The following CTNNA2 variants were observed in gnomAD, a reference collection of about 807,000 sequenced individuals.
The protein encoded by CTNNA2 is catenin alpha 2, also known as catenin alpha-2.
In CTNNA2, 42 loss-of-function variants were observed where a neutral mutation model predicts 101.0. The ratio of observed to expected loss-of-function variants is 0.42; its 90% confidence interval spans 0.32 to 0.54. CTNNA2 has a LOEUF of 0.54. CTNNA2 is among the 20% of genes least tolerant of loss of function. The probability of loss-of-function intolerance (pLI) is 0.14; values close to 1 mark genes in which losing one functional copy is unlikely to be tolerated. For missense variants in CTNNA2, 871 were observed against 1,223.1 expected (o/e 0.71, Z 4.29); for synonymous variants, 450 against 456.4 (o/e 0.99, Z 0.18).
chr2:79,336,900 A>C (rs186565966), intron 3 of CTNNA2, among the ~76,000 whole-genome samples: 7 of 152,250 alleles, frequency 4.6e-5, no homozygotes, highest in Non-Finnish European at 1.5e-5. Context: ...GGCAGTAGTG[A>C]TATCCATGGT....
intron 1 of CTNNA2, among the ~76,000 whole-genome samples, chr2:79,601,273 A>G (rs781252332): frequency 2.0e-5 from 3 of 152,196 alleles, no homozygotes; most frequent in Admixed American, 1.3e-4. Context: ...CCTGCATGTC[A>G]CTTACTAAGC....
chr2:79,879,926 G>C (rs898967077), intron 6 of CTNNA2, among the ~76,000 whole-genome samples: 8 of 152,098 alleles, frequency 5.3e-5, no homozygotes, highest in African/African-American at 1.9e-4. Flanking sequence ...TCTTGCTTTT[G>C]CCCATTCAAT....
intron 3 of CTNNA2, among the ~76,000 whole-genome samples, chr2:79,358,282 C>T (rs975561724): frequency 2.0e-5 from 3 of 151,956 alleles, no homozygotes; most frequent in Non-Finnish European, 4.4e-5. Flanking sequence ...TCACTGCCAC[C>T]TCTTTCTCCT....
chr2:79,580,702 A>G (rs1352125056), intron 1 of CTNNA2, among the ~76,000 whole-genome samples: 1 of 152,170 alleles, frequency 6.6e-6, no homozygotes, highest in African/African-American at 2.4e-5. Flanking sequence ...AAATATAAGG[A>G]AATGTATGAA....
intron 18 of CTNNA2, among the ~76,000 whole-genome samples, chr2:80,620,434 C>A (rs1308584010): frequency 6.6e-6 from 1 of 151,848 alleles, no homozygotes; most frequent in Non-Finnish European, 1.5e-5. Flanking sequence ...ACAGCTGATA[C>A]TGCCCTCTTT....
At chr2:79,825,237 T>A (rs1367962193) in intron 3 of CTNNA2, among the ~76,000 whole-genome samples, 1 of 152,084 alleles carries the variant, frequency 6.6e-6, no homozygotes, top group Non-Finnish European at 1.5e-5. Context: ...AAAGATAGAA[T>A]GGAACATAGT....
intron 7 of CTNNA2, among the ~76,000 whole-genome samples, chr2:79,919,036 T>A (rs1259906280): frequency 6.6e-6 from 1 of 152,194 alleles, no homozygotes; most frequent in Non-Finnish European, 1.5e-5. Flanking sequence ...GTTGTGGTGC[T>A]AGAGGGATAT....
At chr2:79,756,027 A>G (rs1389122103) in intron 3 of CTNNA2, among the ~76,000 whole-genome samples, 1 of 151,114 alleles carries the variant, frequency 6.6e-6, no homozygotes, top group Non-Finnish European at 1.5e-5. Flanking sequence ...TAAATAAAAT[A>G]TATTTGTATG....
intron 2 of CTNNA2, among the ~76,000 whole-genome samples, chr2:79,229,958 G>T (rs549258290): frequency 7.9e-5 from 12 of 152,264 alleles, no homozygotes; most frequent in Admixed American, 2.6e-4. Context: ...AGGGTATTTG[G>T]CAGAAGAAAT....
intron 7 of CTNNA2, among the ~76,000 whole-genome samples, chr2:80,271,007 C>T (rs1673421563): frequency 6.6e-6 from 1 of 152,076 alleles, no homozygotes; most frequent in African/African-American, 2.4e-5. Context: ...AAGGTCCCCA[C>T]CCCCAAGAAG....
chr2:79,659,879 G>A (rs1402767612), intron 2 of CTNNA2, among the ~76,000 whole-genome samples: 1 of 152,166 alleles, frequency 6.6e-6, no homozygotes, highest in Non-Finnish European at 1.5e-5. Flanking sequence ...GCACATGCCA[G>A]CTGCTCTGGA....
chr2:79,981,633 T>C (rs1266229149), intron 7 of CTNNA2, among the ~76,000 whole-genome samples: 2 of 152,152 alleles, frequency 1.3e-5, no homozygotes, highest in African/African-American at 4.8e-5. Flanking sequence ...AGACTTGCTT[T>C]GTAATTAAAG....
intron 4 of CTNNA2, among the ~76,000 whole-genome samples, chr2:79,441,419 C>T (rs890557090): frequency 6.6e-6 from 1 of 152,166 alleles, no homozygotes; most frequent in African/African-American, 2.4e-5. Flanking sequence ...ATTGCCTCCT[C>T]TCTGTCTCCA....
chr2:79,231,221 C>T (rs1674487850), intron 2 of CTNNA2, among the ~76,000 whole-genome samples: 1 of 152,170 alleles, frequency 6.6e-6, no homozygotes, highest in African/African-American at 2.4e-5. Flanking sequence ...AATTGTATCT[C>T]CCAAAATTCC....
intron 7 of CTNNA2, among the ~76,000 whole-genome samples, chr2:80,377,579 G>T (rs963540515): frequency 6.6e-6 from 1 of 152,196 alleles, no homozygotes; most frequent in East Asian, 1.9e-4. Flanking sequence ...ATGTGGGAGA[G>T]CATGAAGGTT....
At chr2:79,369,707 C>G (rs1677828897) in intron 3 of CTNNA2, among the ~76,000 whole-genome samples, 2 of 152,288 alleles carry the variant, frequency 1.3e-5, no homozygotes, top group South Asian at 4.1e-4. Context: ...CCTCCTAACA[C>G]TCCTTACACC....
At chr2:80,450,269 A>G (rs150616447) in intron 9 of CTNNA2, among the ~76,000 whole-genome samples, 1 of 152,278 alleles carries the variant, frequency 6.6e-6, no homozygotes, top group East Asian at 1.9e-4. Flanking sequence ...CCTGTATGAG[A>G]CAAAGTATGC....
intron 7 of CTNNA2, among the ~76,000 whole-genome samples, chr2:80,021,478 A>C (rs759910333): frequency 6.6e-6 from 1 of 152,150 alleles, no homozygotes; most frequent in Non-Finnish European, 1.5e-5. Context: ...GACTCATCAA[A>C]GACCACCTTA....
At chr2:80,276,253 A>G (rs1007213320) in intron 7 of CTNNA2, among the ~76,000 whole-genome samples, 3 of 152,086 alleles carry the variant, frequency 2.0e-5, no homozygotes, top group Admixed American at 6.5e-5. Context: ...GTTAGCACAC[A>G]CCCCACAGAT....
Sources: allele counts gnomAD v4.1 joint callset (sites outside exome capture counted in the v4.1 genomes callset), GRCh38; gene constraint gnomAD v4.1.1; transcripts MANE v1.5; gene names NCBI Gene and HGNC (gene_info 2026-07-23, HGNC 2026-07-21).